PTPRD: variants seen among roughly 807,000 people sequenced by gnomAD.
PTPRD encodes protein tyrosine phosphatase receptor type D, also known as receptor-type tyrosine-protein phosphatase delta.
Under a neutral mutation model 214.5 loss-of-function variants are expected in PTPRD, and 34 were observed. That is an observed-to-expected ratio of 0.16 (90% confidence interval 0.12 to 0.21). The LOEUF is 0.21. Among genes scored for constraint, PTPRD ranks in the 10% least tolerant of loss-of-function variants. The pLI is 1.00. For synonymous variants in PTPRD, 1,128 were observed against 845.7 expected, an observed-to-expected ratio of 1.33 and a Z score of -5.79; for missense variants, 2,545 against 2,398.7, an observed-to-expected ratio of 1.06 and a Z score of -1.27.
intron 2 of PTPRD, among the ~76,000 whole-genome samples, chr9:10,603,767 G>A (rs73642025): frequency 0.026 from 3,904 of 151,836 alleles, 164 homozygotes; most frequent in African/African-American, 0.089. Context: ...CAGTATATAA[G>A]AGATAAAATT....
chr9:8,457,020 A>G (rs1188053819), intron 33 of PTPRD, among the ~76,000 whole-genome samples: 1 of 152,228 alleles, frequency 6.6e-6, no homozygotes, highest in Non-Finnish European at 1.5e-5. Flanking sequence ...ACAGATATAC[A>G]GAATAAGAAC....
At chr9:9,313,180 G>A (rs557242892) in intron 9 of PTPRD, among the ~76,000 whole-genome samples, 1 of 152,240 alleles carries the variant, frequency 6.6e-6, no homozygotes, top group African/African-American at 2.4e-5. Flanking sequence ...TTTGCTGTGT[G>A]TCATAAGTTG....
intron 39 of PTPRD, among the ~76,000 whole-genome samples, chr9:8,359,089 C>A (rs2077715723): frequency 9.4e-6 from 1 of 106,906 alleles, no homozygotes; most frequent in African/African-American, 4.0e-5. Flanking sequence ...ACCTGGGCCA[C>A]AGAGCGAGAC....
intron 2 of PTPRD, among the ~76,000 whole-genome samples, chr9:10,527,089 T>C (rs2054527264): frequency 6.6e-6 from 1 of 152,126 alleles, no homozygotes; most frequent in Non-Finnish European, 1.5e-5. Context: ...AGTAATAAAT[T>C]AGACAAAAGA....
chr9:9,216,844 A>G (rs545938913), intron 9 of PTPRD, among the ~76,000 whole-genome samples: 2 of 152,324 alleles, frequency 1.3e-5, no homozygotes, highest in Non-Finnish European at 2.9e-5. Flanking sequence ...ATATAAAAAT[A>G]AATAACCTTA....
chr9:8,922,409 C>T (rs139703234), intron 11 of PTPRD, among the ~76,000 whole-genome samples: 274 of 152,266 alleles, frequency 1.8e-3, no homozygotes, highest in African/African-American at 5.9e-3. Context: ...CTAAATGAAC[C>T]ATTACTCCAT....
intron 3 of PTPRD, among the ~76,000 whole-genome samples, chr9:10,109,731 A>C (rs1284782252): frequency 6.6e-6 from 1 of 152,180 alleles, no homozygotes; most frequent in African/African-American, 2.4e-5. Context: ...CCATGGCAGT[A>C]TTACTAGTGG....
intron 5 of PTPRD, among the ~76,000 whole-genome samples, chr9:9,878,829 T>A (rs986118865): frequency 1.2e-4 from 19 of 152,128 alleles, no homozygotes; most frequent in African/African-American, 4.3e-4. Context: ...TTTCCACAAC[T>A]AAAAAAGATG....
At chr9:8,527,694 T>C (rs538589962) in intron 15 of PTPRD, among the ~76,000 whole-genome samples, 18 of 152,222 alleles carry the variant, frequency 1.2e-4, no homozygotes, top group Admixed American at 7.2e-4. Flanking sequence ...TGAAATTACC[T>C]AGGGACAGGC....
chr9:8,756,675 A>G (rs538213678), intron 11 of PTPRD, among the ~76,000 whole-genome samples: 63 of 152,236 alleles, frequency 4.1e-4, no homozygotes, highest in Admixed American at 1.2e-3. Flanking sequence ...CAAGGTACTT[A>G]TACAGGCAAG....
chr9:10,295,023 C>T (rs550790300), intron 3 of PTPRD, among the ~76,000 whole-genome samples: 4 of 151,968 alleles, frequency 2.6e-5, no homozygotes, highest in Admixed American at 6.6e-5. Context: ...TGATTTAATA[C>T]GACATACTGA....
intron 3 of PTPRD, among the ~76,000 whole-genome samples, chr9:10,093,962 G>C (rs936742561): frequency 6.6e-6 from 1 of 151,156 alleles, no homozygotes; most frequent in African/African-American, 2.4e-5. Context: ...TGGATGAGTG[G>C]GCTAAAAAAT....
intron 2 of PTPRD, among the ~76,000 whole-genome samples, chr9:10,413,795 C>T (rs1478418859): frequency 2.6e-5 from 4 of 151,784 alleles, no homozygotes; most frequent in African/African-American, 9.6e-5. Flanking sequence ...AAAACCCAGA[C>T]ATAAGGCTGT....
chr9:9,491,962 T>A (rs2095922185), intron 8 of PTPRD, among the ~76,000 whole-genome samples: 1 of 152,012 alleles, frequency 6.6e-6, no homozygotes, highest in African/African-American at 2.4e-5. Context: ...AAGGTGATTC[T>A]TTAAAAGGAT....
intron 12 of PTPRD, among the ~76,000 whole-genome samples, chr9:8,664,721 A>C (rs149754128): frequency 5.3e-5 from 8 of 152,326 alleles, no homozygotes; most frequent in African/African-American, 7.2e-5. Flanking sequence ...ACACTACACT[A>C]TTCCTGCATA....
At chr9:10,506,285 C>G (rs921913272) in intron 2 of PTPRD, among the ~76,000 whole-genome samples, 12 of 151,972 alleles carry the variant, frequency 7.9e-5, no homozygotes, top group Non-Finnish European at 1.8e-4. Flanking sequence ...TACCATATAC[C>G]TGTTCCCCAA....
chr9:8,698,933 T>C (rs1321129625), intron 12 of PTPRD, among the ~76,000 whole-genome samples: 1 of 143,556 alleles, frequency 7.0e-6, no homozygotes, highest in African/African-American at 2.8e-5. Flanking sequence ...ACCCATAATA[T>C]TATATTATAT....
At chr9:10,519,537 G>T (rs772802375) in intron 2 of PTPRD, among the ~76,000 whole-genome samples, 2 of 152,054 alleles carry the variant, frequency 1.3e-5, no homozygotes, top group Non-Finnish European at 2.9e-5. Flanking sequence ...TCTTAGAGCT[G>T]AGTATAATGT....
intron 3 of PTPRD, among the ~76,000 whole-genome samples, chr9:10,272,009 T>C (rs2094449981): frequency 6.6e-6 from 1 of 151,372 alleles, no homozygotes; most frequent in Non-Finnish European, 1.5e-5. Context: ...ATATGAATTT[T>C]GTTATATTCA....
Sources: gnomAD v4.1 joint callset for allele counts (sites outside exome capture counted in the v4.1 genomes callset) on GRCh38, gnomAD v4.1.1 for gene constraint, MANE v1.5 for transcripts, NCBI Gene and HGNC (gene_info 2026-07-23, HGNC 2026-07-21) for gene names.